Variants in UBE2J1 observed in about 807,000 individuals in gnomAD.
UBE2J1 encodes ubiquitin conjugating enzyme E2 J1, also known as ubiquitin-conjugating enzyme E2 J1.
Under a neutral mutation model 42.1 loss-of-function variants are expected in UBE2J1, and 17 were observed. The observed-to-expected ratio is 0.40, with a 90% CI of 0.28 to 0.61. The LOEUF (loss-of-function observed/expected upper bound fraction) is 0.61, where lower values mean the gene tolerates loss of function less well. Among genes scored for constraint, UBE2J1 ranks in the 20% least tolerant of loss-of-function variants. The pLI, the probability that UBE2J1 is intolerant of heterozygous loss-of-function variation, is 0.38. For missense variants in UBE2J1, 291 were observed against 389.4 expected, an observed-to-expected ratio of 0.75 and a Z score of 2.13; for synonymous variants, 127 against 137.2, an observed-to-expected ratio of 0.93 and a Z score of 0.52.
rs1767960257 is a variant in UBE2J1 at position 89,329,342 on chromosome 6, A to G, written c.*337T>C. The stretch of plus-strand genomic sequence containing the variant: ...CTAGTAATACTCATTGGAACTTAAA[A>G]CATCATCTTTTATCCAAAAATTTCA... On this transcript the variant is annotated 3_prime_UTR_variant, in exon 8 of 8. Transcript: ENST00000435041. 1.6e-5 allele frequency: 5 copies of G among 303,298 alleles called. No homozygotes were observed. Among genetic ancestry groups the G allele is most frequent in the South Asian group, 1.6e-4 (5 of 30,956 alleles). 18.8% of individuals were successfully genotyped at this position (303,298 alleles called of 1,614,324 possible).
chr6:89,338,832 A>C (rs934755197), intron 3 of UBE2J1, among the ~76,000 whole-genome samples: 2 of 151,822 alleles, frequency 1.3e-5, no homozygotes, highest in Admixed American at 1.3e-4. Context: ...GGCCTGGCTA[A>C]TGTTTTGTAT....
intron 6 of UBE2J1, among the ~76,000 whole-genome samples, chr6:89,333,658 G>A (rs988917400): frequency 5.9e-5 from 9 of 152,166 alleles, no homozygotes; most frequent in African/African-American, 1.2e-4. Context: ...CAGATCGCAC[G>A]GCAGGTTAGT....
chr6:89,329,791 G>A lies in UBE2J1; in HGVS notation c.845C>T (p.Thr282Ile). 1 of 1,614,132 alleles carries A rather than the reference G, an allele frequency of 6.2e-7. No individual in the cohort carries two copies. The highest frequency in any genetic ancestry group is 8.5e-7 in the Non-Finnish European group (1 of 1,179,992). Reference sequence around the variant, plus strand: ...CAGTACAGCTGACCCACCATGATCAGTGTGGTTGTCTCTTGGCTGGTGGCC... The same window carrying A: ...CAGTACAGCTGACCCACCATGATCAATGTGGTTGTCTCTTGGCTGGTGGCC... ...IQGHQPRDNH[T>I]DHGGSAVLIV... Residue 282 changes from threonine (T) to isoleucine (I), a missense_variant, in exon 8 of 8, where the codon ACT (threonine) becomes ATT (isoleucine). Coordinates refer to ENST00000435041, the MANE Select transcript of UBE2J1 (RefSeq NM_016021.3).
intron 7 of UBE2J1, 30 bp downstream of exon 7, chr6:89,333,056 T>G: frequency 1.3e-6 from 2 of 1,564,568 alleles, no homozygotes; most frequent in South Asian, 2.5e-5. Flanking sequence ...GATAGAGACA[T>G]ACATATATAT....
Position 89,329,437 on chromosome 6 carries a change from T to G in UBE2J1, c.*242A>C. ...TGAAACATGAGAAAAAACAAGTTAT[T>G]TCCCTGCAAAGCAGATCAAATAGTG... On this transcript the variant is annotated 3_prime_UTR_variant, in exon 8 of 8. Transcript: ENST00000435041. 1 of 476,202 alleles carries G rather than the reference T, an allele frequency of 2.1e-6. No individual in the cohort carries two copies. The highest frequency in any genetic ancestry group is 3.9e-5 in the East Asian group (1 of 25,616). 29.5% of individuals were successfully genotyped at this position (476,202 alleles called of 1,614,324 possible).
At chr6:89,342,520 T>C (rs1768266730) in intron 2 of UBE2J1, 65 bp from the exon 3 acceptor site, 6 of 1,421,360 alleles carry the variant, frequency 4.2e-6, no homozygotes, top group Admixed American at 2.5e-5. Flanking sequence ...TTTATCTGAA[T>C]ATTAGAAATA....
intron 3 of UBE2J1, among the ~76,000 whole-genome samples, chr6:89,338,778 G>C (rs1195763998): frequency 2.8e-5 from 4 of 143,650 alleles, no homozygotes. Context: ...CCATTCTCCT[G>C]CCTCAGCCTC....
intron 7 of UBE2J1, among the ~76,000 whole-genome samples, 172 bp from the exon 8 acceptor site, chr6:89,330,129 C>A (rs1562409342): frequency 6.6e-6 from 1 of 151,096 alleles, no homozygotes; most frequent in Non-Finnish European, 1.5e-5. Context: ...AATTTAGGTT[C>A]AAAAAAAAGT....
In UBE2J1 at chr6:89,338,658, T is replaced by G. The variant is rs13199361; in HGVS notation, c.238-115A>C. The G allele has an allele frequency of 6.5e-3, 227 of 34,676 alleles. 2 individuals carry two copies. Among genetic ancestry groups the G allele is most frequent in the African/African-American group, 0.044 (167 of 3,818 alleles). 2.1% of individuals were successfully genotyped at this position (34,676 alleles called of 1,614,324 possible). A position where few individuals can be genotyped will look rare whatever the true frequency, so the allele number is the denominator to read the frequency against. On this transcript the variant is annotated intron_variant, in intron 3 of 7. Transcript: ENST00000435041. ...TTTAGAGATTATCTTAAAAAGTTTG[T>G]TTTTTTTTTTTTTTTTTTTTTTTTT...
At chr6:89,342,821 C>A (rs985528651) in intron 2 of UBE2J1, among the ~76,000 whole-genome samples, 1 of 152,054 alleles carries the variant, frequency 6.6e-6, no homozygotes, top group Non-Finnish European at 1.5e-5. Flanking sequence ...GTTATTTTAA[C>A]AAATCTTTAA....
rs1363146616 is a variant in UBE2J1, at chr6:89,329,407, G to T, written c.*272C>A. The T allele has an allele frequency of 7.3e-6, 3 of 412,748 alleles. No homozygotes were observed. The highest frequency in any genetic ancestry group is 2.1e-5 in the African/African-American group (1 of 48,046). 25.6% of individuals were successfully genotyped at this position (412,748 alleles called of 1,614,324 possible). The stretch of plus-strand genomic sequence containing the variant: ...AAAGTATTACAAATTTACATAAAAA[G>T]AAGATGAAACATGAGAAAAAACAAG... On this transcript the variant is annotated 3_prime_UTR_variant, in exon 8 of 8. Transcript: ENST00000435041.
At chr6:89,352,431 A>C in intron 1 of UBE2J1, 108 bp downstream of exon 1, 1 of 1,295,622 alleles carries the variant, frequency 7.7e-7, no homozygotes, top group Non-Finnish European at 1.0e-6. Flanking sequence ...GCGCGAAACC[A>C]GGAGCTGAGC....
rs1218265763 is a variant in UBE2J1 at position 89,342,356 on chromosome 6, G to T, written c.205C>A (p.Pro69Thr). The T allele has an allele frequency of 6.2e-7, 1 of 1,614,024 alleles. No homozygotes were observed. The highest frequency in any genetic ancestry group is 1.1e-5 in the South Asian group (1 of 91,068). The part of the protein sequence containing the change: ...HGRIVLPPEY[P>T]MKPPSIILLT... The stretch of plus-strand genomic sequence containing the variant: ...AGAATAATGCTTGGTGGTTTCATGG[G>T]ATACTCTGGTGGCAGTACTATCCGC... Residue 69 changes from proline (P) to threonine (T), a missense_variant, in exon 3 of 8, where the codon CCC becomes ACC. Coordinates refer to ENST00000435041, the MANE Select transcript of UBE2J1 (RefSeq NM_016021.3).
intron 3 of UBE2J1, among the ~76,000 whole-genome samples, chr6:89,341,538 A>T (rs1768246403): frequency 1.3e-5 from 2 of 152,068 alleles, no homozygotes; most frequent in African/African-American, 4.8e-5. Flanking sequence ...GTAGTTCAAG[A>T]CCAATGAGAC....
At chr6:89,335,238 A>G (rs1446570514) in intron 6 of UBE2J1, 64 bp downstream of exon 6, 2 of 1,423,706 alleles carry the variant, frequency 1.4e-6, no homozygotes, top group Non-Finnish European at 9.4e-7. Context: ...TTTCCTTTCT[A>G]TGCAGAATCC....
At chr6:89,340,172 G>C (rs1768217131) in intron 3 of UBE2J1, among the ~76,000 whole-genome samples, 1 of 152,120 alleles carries the variant, frequency 6.6e-6, no homozygotes, top group Admixed American at 6.5e-5. Flanking sequence ...ATGAATGAAA[G>C]GATAAATAAA....
At chr6:89,341,834 G>A (rs977274786) in intron 3 of UBE2J1, among the ~76,000 whole-genome samples, 2 of 152,150 alleles carry the variant, frequency 1.3e-5, no homozygotes, top group Non-Finnish European at 2.9e-5. Flanking sequence ...CACTTATTGA[G>A]TATTCTGTGT....
chr6:89,340,864 T>C (rs1273397411), intron 3 of UBE2J1, among the ~76,000 whole-genome samples: 3 of 151,392 alleles, frequency 2.0e-5, no homozygotes, highest in Admixed American at 6.6e-5. Flanking sequence ...CAAGCTCCGC[T>C]TCCCGGGTTC....
chr6:89,339,072 G>T (rs1172260564), intron 3 of UBE2J1, among the ~76,000 whole-genome samples: 1 of 151,938 alleles, frequency 6.6e-6, no homozygotes, highest in Admixed American at 6.6e-5. Context: ...GTTTTTAGAA[G>T]GTGTTTTACA....
Sources: allele counts gnomAD v4.1 joint callset (sites outside exome capture counted in the v4.1 genomes callset), GRCh38; gene constraint gnomAD v4.1.1; transcripts MANE v1.5; gene names NCBI Gene and HGNC (gene_info 2026-07-23, HGNC 2026-07-21).